Variants in MAP4K4 observed in about 807,000 individuals in gnomAD.
The protein encoded by MAP4K4 is mitogen-activated protein kinase kinase kinase kinase 4.
A neutral mutation model predicts 189.6 loss-of-function variants in MAP4K4; 38 were observed. That is an observed-to-expected ratio of 0.20 (90% CI 0.15 to 0.26). The LOEUF (loss-of-function observed/expected upper bound fraction) is 0.26, where lower values mean the gene tolerates loss of function less well. Among genes scored for constraint, MAP4K4 ranks in the 10% least tolerant of loss-of-function variants. The probability of loss-of-function intolerance (pLI) is 1.00; values close to 1 mark genes in which losing one functional copy is unlikely to be tolerated. For synonymous variants in MAP4K4, 610 were observed against 624.3 expected (o/e 0.98, Z 0.34); for missense variants, 1,054 against 1,726.9 (o/e 0.61, Z 6.91).
At chr2:101,886,764 G>A (rs574819612) in intron 29 of MAP4K4, among the ~76,000 whole-genome samples, 3 of 152,244 alleles carry the variant, frequency 2.0e-5, no homozygotes, top group African/African-American at 4.8e-5. Flanking sequence ...TTCTCCGGCC[G>A]GGCGTGGTGG....
At position 101,817,042 on chromosome 2, in the gene MAP4K4, A is replaced by G. The variant is rs1359683086; in HGVS notation, c.181-6886A>G. Among the ~76,000 whole-genome samples the G allele has an allele frequency of 2.6e-5, 4 of 151,906 alleles. No homozygotes were observed. The East Asian group carries it at 7.7e-4, about 29-fold the overall frequency. On this transcript the variant is annotated intron_variant, in intron 3 of 32. Coordinates refer to ENST00000324219, the Ensembl canonical transcript of MAP4K4. ...CAAATTAGGAAAATAGTATATGACAATTGTAGAAAATTGGGCTATAATCTA... is the reference window on the plus strand; with the variant it reads ...CAAATTAGGAAAATAGTATATGACAGTTGTAGAAAATTGGGCTATAATCTA...
intron 2 of MAP4K4, among the ~76,000 whole-genome samples, chr2:101,743,923 G>C (rs1375718169): frequency 6.6e-6 from 1 of 152,206 alleles, no homozygotes; most frequent in East Asian, 1.9e-4. Context: ...CTCCCAAAGT[G>C]CTGTGATTAC....
chr2:101,760,530 ATGTGTG>A (rs34293909), intron 2 of MAP4K4, among the ~76,000 whole-genome samples: 1,456 of 138,662 alleles, frequency 0.011, 26 homozygotes, highest in African/African-American at 0.035. Context: ...ATATGTATAT[ATGTGTG>A]TGTGTGTGTG....
At chr2:101,868,183 A>C in intron 21 of MAP4K4, 146 bp downstream of exon 21, 1 of 849,268 alleles carries the variant, frequency 1.2e-6, no homozygotes, top group African/African-American at 1.7e-5. Context: ...ACTTTACTCC[A>C]GTTTTCTTAA....
intron 2 of MAP4K4, among the ~76,000 whole-genome samples, chr2:101,755,569 G>C (rs1477977825): frequency 6.6e-6 from 1 of 152,068 alleles, no homozygotes; most frequent in Non-Finnish European, 1.5e-5. Flanking sequence ...AAAGTTTTTG[G>C]TCTCTTTATG....
At chr2:101,731,337 G>A (rs1054260905) in intron 2 of MAP4K4, among the ~76,000 whole-genome samples, 2 of 151,754 alleles carry the variant, frequency 1.3e-5, no homozygotes, top group Admixed American at 6.6e-5. Flanking sequence ...GGCTGGCCTC[G>A]AACTCCTGAC....
At chr2:101,721,521 C>T (rs1055209565) in intron 2 of MAP4K4, among the ~76,000 whole-genome samples, 4 of 151,516 alleles carry the variant, frequency 2.6e-5, no homozygotes, top group African/African-American at 7.3e-5. Context: ...CTGCAGCCTC[C>T]GCCTCCCGGG....
chr2:101,843,452 T>A (rs1450082315), intron 11 of MAP4K4, among the ~76,000 whole-genome samples: 1 of 152,204 alleles, frequency 6.6e-6, no homozygotes, highest in Non-Finnish European at 1.5e-5. Flanking sequence ...TTGAACTGAT[T>A]TCATAAGCAA....
chr2:101,711,880 A>T (rs2045748596), intron 2 of MAP4K4, among the ~76,000 whole-genome samples: 1 of 150,852 alleles, frequency 6.6e-6, no homozygotes, highest in Non-Finnish European at 1.5e-5. Context: ...TTTAAATAGG[A>T]TGCTTATTTA....
At chr2:101,735,274 G>T (rs1435584667) in intron 2 of MAP4K4, among the ~76,000 whole-genome samples, 1 of 151,928 alleles carries the variant, frequency 6.6e-6, no homozygotes, top group African/African-American at 2.4e-5. Context: ...TTTCTTACAG[G>T]GGCAAATGGT....
intron 3 of MAP4K4, among the ~76,000 whole-genome samples, chr2:101,813,780 A>G (rs1331244834): frequency 1.3e-5 from 2 of 152,218 alleles, no homozygotes; most frequent in African/African-American, 4.8e-5. Context: ...GGTTTGGTTC[A>G]GAGCAGAACT....
chr2:101,869,200 C>T lies in MAP4K4; in HGVS notation c.2464-422C>T, dbSNP rs1222964197. Among the ~76,000 whole-genome samples, 3 of 151,856 alleles carry T rather than the reference C, an allele frequency of 2.0e-5. No individual in the cohort carries two copies. The East Asian group carries it at 5.8e-4, about 29-fold the overall frequency. ...GTTGAAGTAAAATAAAAATGTGTCT[C>T]TCAAAACCTTTTTTATGAGTCTAAA... On this transcript the variant is annotated intron_variant, in intron 21 of 32. Coordinates refer to ENST00000324219, the Ensembl canonical transcript of MAP4K4.
At chr2:101,811,989 T>C (rs2095456782) in intron 3 of MAP4K4, among the ~76,000 whole-genome samples, 1 of 152,190 alleles carries the variant, frequency 6.6e-6, no homozygotes, top group African/African-American at 2.4e-5. Context: ...TAAGTTTTTG[T>C]CTTTATCTCT....
At chr2:101,758,234 G>A (rs755466713) in intron 2 of MAP4K4, among the ~76,000 whole-genome samples, 12 of 152,108 alleles carry the variant, frequency 7.9e-5, no homozygotes, top group Non-Finnish European at 1.3e-4. Context: ...CTCTATTCTT[G>A]GAAGATGACA....
At chr2:101,725,396 A>AAC (rs77010181) in intron 2 of MAP4K4, among the ~76,000 whole-genome samples, 5 of 149,782 alleles carry the variant, frequency 3.3e-5, no homozygotes, top group Non-Finnish European at 7.4e-5. Context: ...GCAAAAAAAA[A>AAC]AAAACAAAAA....
intron 32 of MAP4K4, 48 bp from the exon 33 acceptor site, chr2:101,891,118 T>C: frequency 7.0e-7 from 1 of 1,437,800 alleles, no homozygotes; most frequent in Non-Finnish European, 9.8e-7. Flanking sequence ...TGGCTGGAAG[T>C]GCTTCATGAC....
chr2:101,847,062 C>T (rs2097131691), intron 12 of MAP4K4, among the ~76,000 whole-genome samples: 1 of 152,194 alleles, frequency 6.6e-6, no homozygotes, highest in Admixed American at 6.5e-5. Flanking sequence ...TGGTCAACAA[C>T]TGAGTACATG....
intron 18 of MAP4K4, 118 bp from the exon 19 acceptor site, chr2:101,866,310 G>GTT: frequency 1.2e-6 from 1 of 847,694 alleles, no homozygotes; most frequent in Non-Finnish European, 1.8e-6. Context: ...TTTATAGACT[G>GTT]TTTTTTGTCT....
chr2:101,811,075 C>T (rs1228218260), intron 3 of MAP4K4, among the ~76,000 whole-genome samples: 1 of 152,030 alleles, frequency 6.6e-6, no homozygotes, highest in African/African-American at 2.4e-5. Flanking sequence ...AGTCTAGGCT[C>T]AAGAATGTGA....
Sources: gnomAD v4.1 joint callset for allele counts (sites outside exome capture counted in the v4.1 genomes callset) on GRCh38, gnomAD v4.1.1 for gene constraint, MANE v1.5 for transcripts, NCBI Gene and HGNC (gene_info 2026-07-23, HGNC 2026-07-21) for gene names.